Variants in BCL2L13 observed in about 807,000 individuals in gnomAD.
The protein encoded by BCL2L13 is bcl-2-like protein 13.
A neutral mutation model predicts 25.8 loss-of-function variants in BCL2L13; 13 were observed. The observed-to-expected ratio is 0.50, with a 90% CI of 0.33 to 0.80. The LOEUF (loss-of-function observed/expected upper bound fraction) is 0.80, where lower values mean the gene tolerates loss of function less well. BCL2L13 is among the 30% of genes least tolerant of loss of function. The probability of loss-of-function intolerance (pLI) is 0.02; values close to 1 mark genes in which losing one functional copy is unlikely to be tolerated. For missense variants in BCL2L13, 504 were observed against 574.9 expected, an observed-to-expected ratio of 0.88 and a Z score of 1.26; for synonymous variants, 244 against 230.3, an observed-to-expected ratio of 1.06 and a Z score of -0.54.
chr22:17,629,147 C>T (rs906170883), intron 1 of BCL2L13: 1 of 156,644 alleles, frequency 6.4e-6, no homozygotes. Flanking sequence ...GGGTGTATCG[C>T]TTGACCTCAA....
intron 6 of BCL2L13, among the ~76,000 whole-genome samples, chr22:17,721,434 C>T (rs1482901378): frequency 1.3e-5 from 2 of 149,564 alleles, no homozygotes; most frequent in African/African-American, 4.9e-5. Context: ...TAGTCCAGGG[C>T]TTGGGAGAGG....
At chr22:17,632,576 C>T (rs1319101981) in intron 1 of BCL2L13, among the ~76,000 whole-genome samples, 1 of 152,040 alleles carries the variant, frequency 6.6e-6, no homozygotes, top group Non-Finnish European at 1.5e-5. Flanking sequence ...ATTACAATCT[C>T]TCCTGTATTT....
At chr22:17,639,039 T>A (rs1358219667) in intron 1 of BCL2L13, among the ~76,000 whole-genome samples, 153 bp downstream of exon 1, 2 of 152,204 alleles carry the variant, frequency 1.3e-5, no homozygotes, top group Non-Finnish European at 2.9e-5. Flanking sequence ...CCGGCGCTCC[T>A]TCGCCCGAAG....
intron 2 of BCL2L13, among the ~76,000 whole-genome samples, chr22:17,681,811 C>T (rs896582531): frequency 6.6e-6 from 1 of 152,150 alleles, no homozygotes; most frequent in Non-Finnish European, 1.5e-5. Context: ...TGAAAGTTGA[C>T]TGCCTGGGTT....
At chr22:17,688,626 C>G (rs1190419478) in intron 3 of BCL2L13, among the ~76,000 whole-genome samples, 2 of 152,122 alleles carry the variant, frequency 1.3e-5, no homozygotes, top group Admixed American at 1.3e-4. Context: ...AAATTTATGA[C>G]CTATCAATGT....
exon 1 of BCL2L13, chr22:17,628,932 TG>T: frequency 2.0e-6 from 1 of 494,994 alleles, no homozygotes; most frequent in South Asian, 2.3e-5. Flanking sequence ...ACTGGGATCT[TG>T]GGTAGGAGGA....
At chr22:17,706,868 ACTT>A in intron 6 of BCL2L13, 1 of 1,323,036 alleles carries the variant, frequency 7.6e-7, no homozygotes, top group Non-Finnish European at 1.0e-6. Context: ...CATGATAAAT[ACTT>A]CTTGTGAAAG....
At chr22:17,690,752 C>T (rs2060082948) in intron 4 of BCL2L13, among the ~76,000 whole-genome samples, 1 of 152,098 alleles carries the variant, frequency 6.6e-6, no homozygotes, top group Non-Finnish European at 1.5e-5. Flanking sequence ...GGCAACAGAG[C>T]AAGACCTTGT....
At chr22:17,692,069 T>C (rs1471694474) in intron 4 of BCL2L13, among the ~76,000 whole-genome samples, 2 of 152,230 alleles carry the variant, frequency 1.3e-5, no homozygotes, top group Admixed American at 1.3e-4. Context: ...TTATAAACGT[T>C]GAAGGCAGTA....
intron 5 of BCL2L13, 47 bp from the exon 6 acceptor site, chr22:17,702,196 A>G: frequency 3.4e-6 from 5 of 1,453,552 alleles, no homozygotes; most frequent in Non-Finnish European, 3.7e-6. Context: ...AAAACACATT[A>G]TAAGAATTTC....
rs146506660 is a variant in BCL2L13 at position 17,698,511 on chromosome 22, A to G, written c.456+2301A>G. Among the ~76,000 whole-genome samples the G allele has an allele frequency of 8.1e-3, 1,103 of 135,408 alleles. 25 individuals carry two copies. Among genetic ancestry groups the G allele is most frequent in the African/African-American group, 0.028 (1,033 of 37,362 alleles). The allele number at this position is 135,408 out of a possible 152,430, so 88.8% of individuals were successfully genotyped here. On this transcript the variant is annotated intron_variant, in intron 5 of 6. Coordinates refer to ENST00000317582, the MANE Select transcript of BCL2L13 (RefSeq NM_015367.4). ...CAAGGCGGGAGGATCACTTACGCCCAGGAGTTTGAGACCAGGCTGGGCAAC... is the reference window on the plus strand; with the variant it reads ...CAAGGCGGGAGGATCACTTACGCCCGGGAGTTTGAGACCAGGCTGGGCAAC...
chr22:17,631,676 A>T (rs1446676493), intron 1 of BCL2L13, among the ~76,000 whole-genome samples: 24 of 15,816 alleles, frequency 1.5e-3, no homozygotes, highest in Admixed American at 3.0e-3. Context: ...GTGTGTATAT[A>T]TATATATATA....
chr22:17,643,399 C>T (rs1371811314), intron 1 of BCL2L13, among the ~76,000 whole-genome samples: 2 of 151,928 alleles, frequency 1.3e-5, no homozygotes, highest in Non-Finnish European at 2.9e-5. Flanking sequence ...CCACCGCGCC[C>T]GGCCATTTCA....
At chr22:17,636,669 G>A (rs1040062905), upstream of BCL2L13, among the ~76,000 whole-genome samples, 1 of 151,868 alleles carries the variant, frequency 6.6e-6, no homozygotes, top group African/African-American at 2.4e-5. Context: ...GGTGGTGGGT[G>A]CCTGTAATCC....
chr22:17,698,768 T>A (rs975759764), intron 5 of BCL2L13, among the ~76,000 whole-genome samples: 2 of 152,022 alleles, frequency 1.3e-5, no homozygotes, highest in Admixed American at 1.3e-4. Flanking sequence ...TAGTAGTCAC[T>A]CCACCTGTTA....
intron 1 of BCL2L13, among the ~76,000 whole-genome samples, chr22:17,643,390 C>T (rs1199643175): frequency 6.6e-6 from 1 of 151,968 alleles, no homozygotes; most frequent in African/African-American, 2.4e-5. Context: ...AGGTGTGAGC[C>T]ACCGCGCCCG....
At position 17,715,162 on chromosome 22, in the gene BCL2L13, A is replaced by T. The variant is rs1305449430; in HGVS notation, c.601-11515A>T. Among the ~76,000 whole-genome samples the T allele has an allele frequency of 1.5e-3, 8 of 5,260 alleles. 1 individual carries two copies. Among genetic ancestry groups the T allele is most frequent in the South Asian group, 0.014 (1 of 72 alleles). The allele number at this position is 5,260 out of a possible 152,430, so 3.5% of individuals were successfully genotyped here. ...TATATATATATATATATATATATAT[A>T]TATATATATTTTTTTTTTTTTTTTT... On this transcript the variant is annotated intron_variant, in intron 6 of 6. Coordinates refer to ENST00000317582, the MANE Select transcript of BCL2L13 (RefSeq NM_015367.4).
chr22:17,673,054 C>T (rs2059463063), intron 2 of BCL2L13, among the ~76,000 whole-genome samples: 1 of 152,070 alleles, frequency 6.6e-6, no homozygotes, highest in Non-Finnish European at 1.5e-5. Context: ...AATGTTATTT[C>T]TCTGTTATTT....
chr22:17,689,240 G>T, intron 4 of BCL2L13, 98 bp downstream of exon 4: 1 of 1,040,160 alleles, frequency 9.6e-7, no homozygotes. Context: ...GGTGAACAGT[G>T]TCACTTCTTT....
Sources: allele counts gnomAD v4.1 joint callset (sites outside exome capture counted in the v4.1 genomes callset), GRCh38; gene constraint gnomAD v4.1.1; transcripts MANE v1.5; gene names NCBI Gene and HGNC (gene_info 2026-07-23, HGNC 2026-07-21).